CORIN: variants seen among roughly 807,000 people sequenced by gnomAD.
The protein encoded by CORIN is corin, serine peptidase.
In CORIN, 117 loss-of-function variants were observed where a neutral mutation model predicts 125.3. The ratio of observed to expected loss-of-function variants is 0.93; its 90% CI spans 0.80 to 1.09. The LOEUF is 1.09. CORIN is among the 50% of genes least tolerant of loss of function. The pLI, the probability that CORIN is intolerant of heterozygous loss-of-function variation, is 0.00. For missense variants in CORIN, 1,253 were observed against 1,306.7 expected (o/e 0.96, Z 0.63); for synonymous variants, 450 against 466.4 (o/e 0.96, Z 0.45).
intron 5 of CORIN, among the ~76,000 whole-genome samples, chr4:47,693,538 T>A (rs1725861892): frequency 6.6e-6 from 1 of 151,626 alleles, no homozygotes; most frequent in Admixed American, 6.6e-5. Flanking sequence ...AAAAACAGAG[T>A]CAGTAAATAA....
At chr4:47,778,067 AG>A (rs1730378644) in intron 3 of CORIN, among the ~76,000 whole-genome samples, 1 of 152,178 alleles carries the variant, frequency 6.6e-6, no homozygotes, top group Non-Finnish European at 1.5e-5. Flanking sequence ...CATTTTGACC[AG>A]TATTATTTTT....
At chr4:47,714,545 C>G (rs1217050602) in intron 5 of CORIN, among the ~76,000 whole-genome samples, 1 of 152,168 alleles carries the variant, frequency 6.6e-6, no homozygotes, top group Non-Finnish European at 1.5e-5. Context: ...ATGTCCAATT[C>G]AGAGTTAACC....
intron 5 of CORIN, among the ~76,000 whole-genome samples, chr4:47,695,010 T>C (rs1314663340): frequency 1.3e-5 from 2 of 152,226 alleles, no homozygotes; most frequent in African/African-American, 4.8e-5. Flanking sequence ...CAGTTTTCCA[T>C]TATAGTCCAT....
At chr4:47,730,067 C>G (rs1257728491) in intron 5 of CORIN, among the ~76,000 whole-genome samples, 1 of 152,218 alleles carries the variant, frequency 6.6e-6, no homozygotes, top group Non-Finnish European at 1.5e-5. Flanking sequence ...CCAGTACACA[C>G]TGGGCAAGAA....
chr4:47,650,500 A>C (rs1723690949), intron 13 of CORIN, among the ~76,000 whole-genome samples: 1 of 152,204 alleles, frequency 6.6e-6, no homozygotes, highest in Non-Finnish European at 1.5e-5. Flanking sequence ...AAAGCCTAGC[A>C]AGAGATAACC....
At chr4:47,621,938 C>T (rs1722329751) in intron 19 of CORIN, among the ~76,000 whole-genome samples, 1 of 148,566 alleles carries the variant, frequency 6.7e-6, no homozygotes, top group African/African-American at 2.5e-5. Flanking sequence ...CATGCTGGTG[C>T]ACTGCACCCA....
chr4:47,626,659 T>G (rs1722582769), intron 16 of CORIN, 138 bp from the exon 17 acceptor site: 1 of 689,236 alleles, frequency 1.5e-6, no homozygotes, highest in Non-Finnish European at 2.6e-6. Context: ...TTTGGACTGT[T>G]ACAAATTGTT....
chr4:47,620,488 T>C (rs1047833886), intron 19 of CORIN, among the ~76,000 whole-genome samples: 1 of 152,224 alleles, frequency 6.6e-6, no homozygotes, highest in African/African-American at 2.4e-5. Context: ...TTATTCCAAA[T>C]TGTAAAAGTA....
intron 5 of CORIN, among the ~76,000 whole-genome samples, chr4:47,743,507 T>C (rs1435101099): frequency 2.0e-5 from 3 of 152,218 alleles, no homozygotes; most frequent in Non-Finnish European, 4.4e-5. Flanking sequence ...ACTACAACTT[T>C]TATAAGGAGC....
At chr4:47,734,265 T>C (rs535284207) in intron 5 of CORIN, among the ~76,000 whole-genome samples, 1 of 152,286 alleles carries the variant, frequency 6.6e-6, no homozygotes, top group African/African-American at 2.4e-5. Flanking sequence ...AGGGAGGGAA[T>C]TACTATTTCC....
At chr4:47,606,148 C>T (rs567368898) in intron 19 of CORIN, among the ~76,000 whole-genome samples, 7 of 152,130 alleles carry the variant, frequency 4.6e-5, no homozygotes, top group Admixed American at 6.5e-5. Flanking sequence ...CCTGCCTATA[C>T]AAACATTGTA....
chr4:47,753,138 G>T (rs1442555360), intron 4 of CORIN, among the ~76,000 whole-genome samples: 1 of 152,090 alleles, frequency 6.6e-6, no homozygotes, highest in Non-Finnish European at 1.5e-5. Flanking sequence ...ATCACATATT[G>T]GTAGATCCGT....
At chr4:47,765,255 G>A (rs1316413847) in intron 3 of CORIN, among the ~76,000 whole-genome samples, 2 of 151,518 alleles carry the variant, frequency 1.3e-5, no homozygotes, top group Admixed American at 6.6e-5. Context: ...AGCTTGTAGT[G>A]AGCTGAGATC....
At chr4:47,611,605 C>T (rs1721873194) in intron 19 of CORIN, among the ~76,000 whole-genome samples, 1 of 152,160 alleles carries the variant, frequency 6.6e-6, no homozygotes. Flanking sequence ...TGGCTGATTG[C>T]CCTGGACAAA....
At chr4:47,694,872 G>T (rs528931679) in intron 5 of CORIN, among the ~76,000 whole-genome samples, 1 of 152,094 alleles carries the variant, frequency 6.6e-6, no homozygotes, top group African/African-American at 2.4e-5. Context: ...CAAAATTAAT[G>T]AATTATTTCC....
intron 5 of CORIN, among the ~76,000 whole-genome samples, chr4:47,699,820 C>T (rs1274069458): frequency 1.3e-5 from 2 of 152,208 alleles, no homozygotes; most frequent in African/African-American, 4.8e-5. Context: ...TTATGAGTGG[C>T]ATTTGCTCTT....
intron 2 of CORIN, among the ~76,000 whole-genome samples, chr4:47,794,172 G>A (rs1255905545): frequency 1.3e-5 from 2 of 151,992 alleles, no homozygotes; most frequent in Non-Finnish European, 2.9e-5. Context: ...GAATTTGGGA[G>A]GTTTTCTATT....
intron 5 of CORIN, among the ~76,000 whole-genome samples, chr4:47,699,498 C>A (rs931615542): frequency 6.6e-6 from 1 of 152,182 alleles, no homozygotes; most frequent in Non-Finnish European, 1.5e-5. Context: ...TCTCTCTCTC[C>A]CTTCTAGAAT....
chr4:47,678,935 A>G (rs1428702184), intron 8 of CORIN, among the ~76,000 whole-genome samples: 1 of 152,214 alleles, frequency 6.6e-6, no homozygotes, highest in Non-Finnish European at 1.5e-5. Flanking sequence ...CTTCAAATCC[A>G]TTTCAGGGAA....
Sources: allele counts gnomAD v4.1 joint callset (sites outside exome capture counted in the v4.1 genomes callset), GRCh38; gene constraint gnomAD v4.1.1; transcripts MANE v1.5; gene names NCBI Gene and HGNC (gene_info 2026-07-23, HGNC 2026-07-21).